FABP6: variants seen among roughly 807,000 people sequenced by gnomAD.
FABP6 encodes fatty acid binding protein 6, also known as gastrotropin.
FABP6 carries 13 observed loss-of-function variants against 14.9 expected under a neutral mutation model. That is an observed-to-expected ratio of 0.87 (90% CI 0.57 to 1.39). FABP6 has a LOEUF of 1.39. Among genes scored for constraint, FABP6 ranks in the 40% most tolerant of loss-of-function variants. The pLI is 0.00. For missense variants in FABP6, 161 were observed against 167.2 expected, an observed-to-expected ratio of 0.96 and a Z score of 0.20; for synonymous variants, 75 against 63.6, an observed-to-expected ratio of 1.18 and a Z score of -0.85.
chr5:160,213,195 G>A (rs947864050), intron 2 of FABP6, among the ~76,000 whole-genome samples: 6 of 152,168 alleles, frequency 3.9e-5, no homozygotes, highest in African/African-American at 1.2e-4. Flanking sequence ...ACTACATGGG[G>A]CCCAACGAAA....
chr5:160,220,706 G>A (rs1030094576), intron 3 of FABP6, among the ~76,000 whole-genome samples: 3 of 152,022 alleles, frequency 2.0e-5, no homozygotes, highest in African/African-American at 7.2e-5. Flanking sequence ...ATGTTTCTGT[G>A]TTCCAAAAAT....
At chr5:160,231,824 C>A (rs1760388667) in intron 1 of FABP6, among the ~76,000 whole-genome samples, 1 of 152,174 alleles carries the variant, frequency 6.6e-6, no homozygotes. Flanking sequence ...AACACACTCA[C>A]ATTGAATATA....
intron 2 of FABP6, among the ~76,000 whole-genome samples, chr5:160,208,185 G>A (rs1759809784): frequency 6.6e-6 from 1 of 152,066 alleles, no homozygotes; most frequent in Non-Finnish European, 1.5e-5. Context: ...GCTCATGCCT[G>A]TAATCTGAGC....
intron 2 of FABP6, among the ~76,000 whole-genome samples, chr5:160,199,535 G>A (rs1759586798): frequency 6.6e-6 from 1 of 152,148 alleles, no homozygotes; most frequent in African/African-American, 2.4e-5. Flanking sequence ...GCCAGGTCGC[G>A]GCATCCCGGC....
At chr5:160,194,280 C>T (rs1759465840) in intron 1 of FABP6, among the ~76,000 whole-genome samples, 3 of 152,234 alleles carry the variant, frequency 2.0e-5, no homozygotes, top group African/African-American at 4.8e-5. Context: ...TTCCTGCTCG[C>T]GCCTCTCCCT....
At chr5:160,200,922 C>T (rs185093387) in intron 2 of FABP6, among the ~76,000 whole-genome samples, 15 of 152,274 alleles carry the variant, frequency 9.9e-5, no homozygotes, top group Middle Eastern at 3.4e-3. Flanking sequence ...ATGGAGGCTT[C>T]GTCAGTGTCT....
chr5:160,236,681 C>A (rs1029791024), intron 3 of FABP6, among the ~76,000 whole-genome samples: 5 of 151,978 alleles, frequency 3.3e-5, no homozygotes, highest in African/African-American at 1.2e-4. Flanking sequence ...TTTAAATAAT[C>A]TAAAAATTAT....
chr5:160,226,642 A>G (rs1446092769), upstream of FABP6, among the ~76,000 whole-genome samples: 2 of 152,146 alleles, frequency 1.3e-5, no homozygotes. Context: ...CTCCTAGGTG[A>G]AATGGGGGCA....
chr5:160,195,219 G>A (rs1240221715), intron 1 of FABP6, among the ~76,000 whole-genome samples: 1 of 146,934 alleles, frequency 6.8e-6, no homozygotes, highest in African/African-American at 2.5e-5. Context: ...TGGAGGCAGA[G>A]GTTGCAGTTA....
chr5:160,235,056 G>A (rs1760477978), intron 3 of FABP6, 147 bp downstream of exon 3: 1 of 541,912 alleles, frequency 1.8e-6, no homozygotes, highest in South Asian at 2.9e-5. Context: ...TGCACATGAT[G>A]TCATTTGGTC....
At chr5:160,232,032 T>C in intron 1 of FABP6, 66 bp from the exon 2 acceptor site, 3 of 1,569,522 alleles carry the variant, frequency 1.9e-6, no homozygotes, top group Non-Finnish European at 1.7e-6. Flanking sequence ...GCAGGAAAGC[T>C]CTTTTCCCAA....
Position 160,238,618 on chromosome 5 carries a change from G to A in FABP6, c.346G>A (p.Gly116Arg), listed in dbSNP as rs369110932. Residue 116 changes from glycine (G) to arginine (R), a missense_variant, in exon 4 of 4, where the codon GGA becomes AGA. Gly to Arg is a moderately radical substitution (Grantham distance 125). Transcript: ENST00000402432. ...CTGCTTCTTTCAGGTCTCCACCATC[G>A]GAGGCGTGACCTATGAGCGCGTGAG... is the stretch of plus-strand genomic sequence containing the variant. ...GDKLVEVSTI[G>R]GVTYERVSKR... 1.4e-5 allele frequency: 23 copies of A among 1,614,018 alleles called. No homozygotes were observed. Among genetic ancestry groups the A allele is most frequent in the East Asian group, 2.2e-5 (1 of 44,876 alleles).
At chr5:160,212,682 G>T (rs1056152370) in intron 2 of FABP6, among the ~76,000 whole-genome samples, 6 of 152,090 alleles carry the variant, frequency 3.9e-5, no homozygotes, top group African/African-American at 9.7e-5. Context: ...TGTTAGCCAG[G>T]CTGGTCTCGA....
intron 3 of FABP6, among the ~76,000 whole-genome samples, chr5:160,221,507 C>G (rs1430328616): frequency 6.6e-6 from 1 of 152,126 alleles, no homozygotes; most frequent in Non-Finnish European, 1.5e-5. Context: ...TGTGCCTCAC[C>G]CCCTAAACCT....
chr5:160,195,274 A>C, intron 1 of FABP6, among the ~76,000 whole-genome samples: 1 of 117,858 alleles, frequency 8.5e-6, no homozygotes, highest in African/African-American at 3.6e-5. Context: ...ACAGAGCGAG[A>C]CTCTGTCTCA....
At chr5:160,210,615 T>C (rs1293508287) in intron 2 of FABP6, among the ~76,000 whole-genome samples, 1 of 152,192 alleles carries the variant, frequency 6.6e-6, no homozygotes, top group East Asian at 1.9e-4. Context: ...CTCGAAGACC[T>C]GCACAGCCTG....
intron 2 of FABP6, among the ~76,000 whole-genome samples, chr5:160,208,858 C>T (rs1425718122): frequency 1.3e-5 from 2 of 150,458 alleles, no homozygotes; most frequent in East Asian, 3.9e-4. Flanking sequence ...CTCACTGCAA[C>T]CTCTGCCTCC....
At chr5:160,228,442 T>G (rs1375967520), upstream of FABP6, 3 of 456,284 alleles carry the variant, frequency 6.6e-6, no homozygotes, top group East Asian at 2.1e-4. Flanking sequence ...GAGTGTTTTA[T>G]ACTTTGCACT....
intron 1 of FABP6, among the ~76,000 whole-genome samples, chr5:160,231,450 G>A (rs1279291286): frequency 6.6e-6 from 1 of 152,238 alleles, no homozygotes; most frequent in Non-Finnish European, 1.5e-5. Context: ...CGGAACTGCA[G>A]TGGCGCGATC....
Sources: allele counts gnomAD v4.1 joint callset (sites outside exome capture counted in the v4.1 genomes callset), GRCh38; gene constraint gnomAD v4.1.1; transcripts MANE v1.5; gene names NCBI Gene and HGNC (gene_info 2026-07-23, HGNC 2026-07-21).